Variants in FHIT observed in about 807,000 individuals in gnomAD.
FHIT encodes bis(5'-adenosyl)-triphosphatase.
A neutral mutation model predicts 17.9 loss-of-function variants in FHIT; 19 were observed. The observed-to-expected ratio is 1.06, with a 90% CI of 0.74 to 1.56. The LOEUF (loss-of-function observed/expected upper bound fraction) is 1.56. Ranked by LOEUF, FHIT falls within the 40% of genes most tolerant of loss-of-function variation. FHIT has a pLI of 0.00. For missense variants in FHIT, 248 were observed against 189.2 expected (o/e 1.31, Z -1.82); for synonymous variants, 81 against 69.7 (o/e 1.16, Z -0.81).
At position 60,611,006 on chromosome 3, in the gene FHIT, C is replaced by G. The variant is rs547717452; in HGVS notation, c.-17-74027G>C. 3.3e-5 allele frequency among the ~76,000 whole-genome samples: 5 copies of G among 152,288 alleles called. No individual in the cohort carries two copies. In the East Asian group the frequency reaches 9.7e-4, roughly 29 times the overall value. On this transcript the variant is annotated intron_variant, in intron 4 of 9. Coordinates refer to ENST00000492590, the MANE Select transcript of FHIT (RefSeq NM_002012.4). ...TAAAATAGGAGTCATCACAGCTACTCTGATATTAGTGTGAGGATTAAATGA... is the reference window on the plus strand; with the variant it reads ...TAAAATAGGAGTCATCACAGCTACTGTGATATTAGTGTGAGGATTAAATGA...
At chr3:60,614,258 T>A (rs2038872935) in intron 4 of FHIT, among the ~76,000 whole-genome samples, 1 of 152,152 alleles carries the variant, frequency 6.6e-6, no homozygotes, top group Non-Finnish European at 1.5e-5. Flanking sequence ...GAGTAGATAT[T>A]TCTTGGTTTT....
chr3:60,252,503 G>A (rs1368545480), intron 5 of FHIT, among the ~76,000 whole-genome samples: 1 of 152,086 alleles, frequency 6.6e-6, no homozygotes, highest in African/African-American at 2.4e-5. Context: ...GGTCAAGGCT[G>A]CACTGCGGCA....
At chr3:60,849,207 A>G (rs560500327) in intron 3 of FHIT, among the ~76,000 whole-genome samples, 1 of 152,106 alleles carries the variant, frequency 6.6e-6, no homozygotes, top group East Asian at 1.9e-4. Flanking sequence ...GAAAGGGAAG[A>G]GAAGGGAGAG....
chr3:60,648,596 T>A (rs2039917863), intron 4 of FHIT, among the ~76,000 whole-genome samples: 1 of 152,194 alleles, frequency 6.6e-6, no homozygotes, highest in African/African-American at 2.4e-5. Context: ...GGGGGGCACT[T>A]ACATATAGTA....
chr3:60,834,060 T>C (rs1246794298), intron 3 of FHIT, among the ~76,000 whole-genome samples: 4 of 152,180 alleles, frequency 2.6e-5, no homozygotes, highest in Non-Finnish European at 4.4e-5. Context: ...TGTGTCCAGT[T>C]TGGGGCTATT....
At chr3:60,760,401 C>A (rs1553719453) in intron 4 of FHIT, among the ~76,000 whole-genome samples, 1 of 152,120 alleles carries the variant, frequency 6.6e-6, no homozygotes, top group African/African-American at 2.4e-5. Flanking sequence ...CATAGCAGGA[C>A]CAGCAGAGAG....
In FHIT at chr3:60,340,099, A is replaced by G. The variant is rs147423657; in HGVS notation, c.103+196761T>C. On this transcript the variant is annotated intron_variant, in intron 5 of 9. Transcript: ENST00000492590. ...ATTTTTTTTAAGTTTTCTTCTCTGA[A>G]CTCAGTTGTTCCACCATTAGCAATT... 2.5e-3 allele frequency among the ~76,000 whole-genome samples: 375 copies of G among 152,078 alleles called. 1 individual carries two copies. Among genetic ancestry groups the G allele is most frequent in the African/African-American group, 8.8e-3 (364 of 41,504 alleles).
rs1471355341 is a variant in FHIT, at chr3:60,651,970, T to C, written c.-17-114991A>G. 5.3e-5 allele frequency among the ~76,000 whole-genome samples: 8 copies of C among 152,202 alleles called. No homozygotes were observed. In the East Asian group the frequency reaches 1.4e-3, roughly 26 times the overall value. ...TGCAAACTCATAACCACAAAGAGAA[T>C]GGGAAGAAGCCATTAGAAGATAAAT... On this transcript the variant is annotated intron_variant, in intron 4 of 9. Coordinates refer to ENST00000492590, the MANE Select transcript of FHIT (RefSeq NM_002012.4).
intron 5 of FHIT, chr3:60,535,948 A>G (rs972664641): frequency 6.6e-6 from 1 of 152,200 alleles, no homozygotes; most frequent in Non-Finnish European, 1.5e-5. Flanking sequence ...TTGTACATTC[A>G]GAATTACTAA....
intron 5 of FHIT, among the ~76,000 whole-genome samples, chr3:60,333,474 CTGTTT>C (rs919488837): frequency 5.6e-4 from 2 of 3,588 alleles, no homozygotes; most frequent in African/African-American, 1.2e-3. Context: ...CATATTTGAA[CTGTTT>C]TTTTTTTTGA....
At chr3:60,796,845 G>C (rs1192029561) in intron 4 of FHIT, among the ~76,000 whole-genome samples, 1 of 152,166 alleles carries the variant, frequency 6.6e-6, no homozygotes, top group Non-Finnish European at 1.5e-5. Flanking sequence ...GCCTCCCAGA[G>C]TATCAAAGAG....
intron 7 of FHIT, among the ~76,000 whole-genome samples, chr3:59,958,837 C>G (rs1707531030): frequency 6.6e-6 from 1 of 151,762 alleles, no homozygotes; most frequent in African/African-American, 2.4e-5. Flanking sequence ...GTTAGCATCT[C>G]CTGAGAATCC....
At chr3:60,404,910 T>G (rs1438496027) in intron 5 of FHIT, among the ~76,000 whole-genome samples, 1 of 152,154 alleles carries the variant, frequency 6.6e-6, no homozygotes, top group Non-Finnish European at 1.5e-5. Flanking sequence ...AGGAATTCAG[T>G]TTCTGAACGA....
chr3:59,752,322 C>T lies in FHIT; in HGVS notation c.349-1G>A. The T allele has an allele frequency of 1.2e-6, 2 of 1,605,458 alleles. No individual in the cohort carries two copies. The highest frequency in any genetic ancestry group is 1.7e-4 in the Middle Eastern group (1 of 6,020). On this transcript the variant is annotated splice_acceptor_variant, in intron 8 of 9. Transcript: ENST00000492590. LOFTEE classifies it high-confidence loss of function. ...AGTCCTCCTTGTCATGTTTCTGGAG[C>T]TTTGGAGAAAAAAAAAGGAAGAGGC...
intron 1 of FHIT, among the ~76,000 whole-genome samples, chr3:61,209,865 TC>T (rs2039397919): frequency 6.6e-6 from 1 of 152,238 alleles, no homozygotes; most frequent in Non-Finnish European, 1.5e-5. Flanking sequence ...GGAGCTGCGT[TC>T]CTTTGGAGGA....
At chr3:60,859,705 C>A (rs1288209997) in intron 3 of FHIT, among the ~76,000 whole-genome samples, 1 of 134,566 alleles carries the variant, frequency 7.4e-6, no homozygotes, top group East Asian at 2.0e-4. Flanking sequence ...GAAACATTTG[C>A]AGTGGATTCT....
chr3:60,983,154 TG>T (rs1329440535), intron 3 of FHIT, among the ~76,000 whole-genome samples: 8 of 152,080 alleles, frequency 5.3e-5, no homozygotes, highest in African/African-American at 1.7e-4. Context: ...TGTGTGTGTG[TG>T]TGTGTGTGTA....
At chr3:60,690,281 A>G (rs2040955860) in intron 4 of FHIT, 1 of 552,790 alleles carries the variant, frequency 1.8e-6, no homozygotes, top group Admixed American at 1.9e-5. Flanking sequence ...CCATTCCTGA[A>G]CACAAAGCGC....
At chr3:60,642,736 CG>C (rs1200810287) in intron 4 of FHIT, among the ~76,000 whole-genome samples, 109 of 152,252 alleles carry the variant, frequency 7.2e-4, no homozygotes, top group African/African-American at 2.6e-3. Context: ...CCACCTCCCC[CG>C]CTCCAGGGGT....
Sources: gnomAD v4.1 joint callset for allele counts (sites outside exome capture counted in the v4.1 genomes callset) on GRCh38, gnomAD v4.1.1 for gene constraint, MANE v1.5 for transcripts, NCBI Gene and HGNC (gene_info 2026-07-23, HGNC 2026-07-21) for gene names.